ADCY2: variants seen among roughly 807,000 people sequenced by gnomAD.
ADCY2 encodes the protein adenylate cyclase type 2.
Under a neutral mutation model 125.2 loss-of-function variants are expected in ADCY2, and 31 were observed. The observed-to-expected ratio is 0.25, with a 90% CI of 0.19 to 0.33. ADCY2 has a LOEUF of 0.33. Among genes scored for constraint, ADCY2 ranks in the 10% least tolerant of loss-of-function variants. The pLI, the probability that ADCY2 is intolerant of heterozygous loss-of-function variation, is 1.00. For synonymous variants in ADCY2, 512 were observed against 548.4 expected (o/e 0.93, Z 0.93); for missense variants, 904 against 1,418.2 (o/e 0.64, Z 5.82).
intron 2 of ADCY2, among the ~76,000 whole-genome samples, chr5:7,454,206 C>G (rs201485794): frequency 6.6e-6 from 1 of 152,128 alleles, no homozygotes; most frequent in East Asian, 1.9e-4. Flanking sequence ...CTTTCATCAG[C>G]AAAAAGTTTA....
chr5:7,406,290 G>A (rs1739486836), intron 1 of ADCY2, among the ~76,000 whole-genome samples: 1 of 152,172 alleles, frequency 6.6e-6, no homozygotes, highest in Non-Finnish European at 1.5e-5. Context: ...TGTTCAAAGG[G>A]ACCAATGAAT....
intron 3 of ADCY2, among the ~76,000 whole-genome samples, chr5:7,609,657 A>G (rs1412822373): frequency 6.6e-6 from 1 of 152,242 alleles, no homozygotes; most frequent in Non-Finnish European, 1.5e-5. Context: ...AGAACATGAA[A>G]GACAGACAAT....
chr5:7,476,700 T>A (rs1405437567), intron 2 of ADCY2, among the ~76,000 whole-genome samples: 2 of 152,142 alleles, frequency 1.3e-5, no homozygotes, highest in African/African-American at 4.8e-5. Context: ...CTGTCTTGTC[T>A]ACACAAGGAT....
At chr5:7,689,577 T>A (rs374092079) in intron 4 of ADCY2, among the ~76,000 whole-genome samples, 3 of 152,032 alleles carry the variant, frequency 2.0e-5, no homozygotes, top group East Asian at 3.9e-4. Context: ...TAACCCACCC[T>A]CAGCTCTCTC....
At chr5:7,512,233 A>AAAAAAAAAAAAAG (rs1561066830) in intron 2 of ADCY2, among the ~76,000 whole-genome samples, 1 of 143,760 alleles carries the variant, frequency 7.0e-6, no homozygotes, top group Non-Finnish European at 1.5e-5. Flanking sequence ...AAAAAAAAAA[A>AAAAAAAAAAAAAG]AAAAAAAGAA....
chr5:7,687,597 A>G (rs1261839926), intron 4 of ADCY2, among the ~76,000 whole-genome samples: 1 of 152,178 alleles, frequency 6.6e-6, no homozygotes, highest in Admixed American at 6.5e-5. Flanking sequence ...GGACTCTCTG[A>G]GCAATGTGCC....
chr5:7,518,739 C>A (rs114348474), intron 2 of ADCY2, among the ~76,000 whole-genome samples: 3,164 of 152,202 alleles, frequency 0.021, 42 homozygotes, highest in Middle Eastern at 0.044. Flanking sequence ...TGGCTGTTGT[C>A]CCGAGACGGC....
intron 3 of ADCY2, among the ~76,000 whole-genome samples, chr5:7,551,193 C>A (rs1319390052): frequency 6.6e-6 from 1 of 152,140 alleles, no homozygotes; most frequent in East Asian, 1.9e-4. Flanking sequence ...AATCAGTCTT[C>A]CCTGCATCAA....
chr5:7,550,624 G>T (rs1352668073), intron 3 of ADCY2, among the ~76,000 whole-genome samples: 1 of 152,150 alleles, frequency 6.6e-6, no homozygotes, highest in East Asian at 1.9e-4. Context: ...TATTCTGGAA[G>T]AGTGTTCTTG....
intron 4 of ADCY2, among the ~76,000 whole-genome samples, chr5:7,676,931 G>T (rs1324264887): frequency 6.6e-6 from 1 of 152,148 alleles, no homozygotes; most frequent in Non-Finnish European, 1.5e-5. Flanking sequence ...TGTATTGCCT[G>T]CTCTCAGGGC....
intron 3 of ADCY2, among the ~76,000 whole-genome samples, chr5:7,548,135 C>T (rs557515918): frequency 3.4e-4 from 51 of 151,970 alleles, no homozygotes; most frequent in Non-Finnish European, 6.9e-4. Flanking sequence ...TGTATAGGGC[C>T]GAATTAAACA....
chr5:7,597,157 C>A (rs1490802899), intron 3 of ADCY2, among the ~76,000 whole-genome samples: 1 of 152,212 alleles, frequency 6.6e-6, no homozygotes, highest in Non-Finnish European at 1.5e-5. Context: ...CTTTTACTTG[C>A]TCCTTCTTTG....
At chr5:7,673,269 A>AAAATATATATATATATAT (rs1554030659) in intron 4 of ADCY2, among the ~76,000 whole-genome samples, 1 of 3,926 alleles carries the variant, frequency 2.5e-4, no homozygotes, top group African/African-American at 6.4e-4. Flanking sequence ...AAAAAAAAAA[A>AAAATATATATATATATAT]ATATATATAT....
chr5:7,666,070 C>T (rs1197905613), intron 4 of ADCY2, among the ~76,000 whole-genome samples: 1 of 151,366 alleles, frequency 6.6e-6, no homozygotes, highest in Non-Finnish European at 1.5e-5. Context: ...GATCTCCTGA[C>T]CTCGTGATCC....
intron 4 of ADCY2, among the ~76,000 whole-genome samples, chr5:7,683,300 CAG>C (rs1233716708): frequency 6.6e-6 from 1 of 152,216 alleles, no homozygotes; most frequent in Admixed American, 6.5e-5. Flanking sequence ...CTCCCCACGT[CAG>C]AGCAGCTGAG....
chr5:7,746,456 A>G (rs1003043628), intron 15 of ADCY2: 2 of 152,226 alleles, frequency 1.3e-5, no homozygotes, highest in African/African-American at 2.4e-5. Flanking sequence ...CATCAAATAT[A>G]TTGGTGTACA....
At chr5:7,784,303 A>G in intron 18 of ADCY2, 62 bp from the exon 19 acceptor site, 1 of 1,175,680 alleles carries the variant, frequency 8.5e-7, no homozygotes, top group Admixed American at 1.7e-5. Context: ...TTCAAATTCT[A>G]AGTCCTGTAT....
At chr5:7,715,226 C>T (rs1741560320) in intron 11 of ADCY2, among the ~76,000 whole-genome samples, 1 of 152,222 alleles carries the variant, frequency 6.6e-6, no homozygotes, top group Admixed American at 6.5e-5. Context: ...AGAAAGCATG[C>T]ATTTATTGGC....
Position 7,828,270 on chromosome 5 carries a change from T to C in ADCY2, c.*1399T>C, listed in dbSNP as rs1173575329. On this transcript the variant is annotated 3_prime_UTR_variant, in exon 25 of 25. Coordinates refer to ENST00000338316, the MANE Select transcript of ADCY2 (RefSeq NM_020546.3). ...TGTAAGAAGTAGAGAACCCAGATGA[T>C]CTCTTAGGAAGCCTTTTATTCGTGG... 6.5e-6 allele frequency: 1 copy of C among 152,740 alleles called. No individual in the cohort carries two copies. 9.5% of individuals were successfully genotyped at this position (152,740 alleles called of 1,614,324 possible).
Sources: gnomAD v4.1 joint callset for allele counts (sites outside exome capture counted in the v4.1 genomes callset) on GRCh38, gnomAD v4.1.1 for gene constraint, MANE v1.5 for transcripts, NCBI Gene and HGNC (gene_info 2026-07-23, HGNC 2026-07-21) for gene names.